The following OPCML variants were observed in gnomAD, a reference collection of about 807,000 sequenced individuals.
OPCML encodes the protein opioid-binding protein/cell adhesion molecule.
In OPCML, 13 loss-of-function variants were observed where a neutral mutation model predicts 37.8. That is an observed-to-expected ratio of 0.34 (90% CI 0.22 to 0.55). The LOEUF (loss-of-function observed/expected upper bound fraction) is 0.55. OPCML is among the 20% of genes least tolerant of loss of function. The probability of loss-of-function intolerance (pLI) is 0.91; values close to 1 mark genes in which losing one functional copy is unlikely to be tolerated. For missense variants in OPCML, 341 were observed against 435.6 expected, an observed-to-expected ratio of 0.78 and a Z score of 1.93; for synonymous variants, 176 against 168.8, an observed-to-expected ratio of 1.04 and a Z score of -0.33.
chr11:132,801,623 A>T (rs1435759680), intron 2 of OPCML, among the ~76,000 whole-genome samples: 5 of 152,216 alleles, frequency 3.3e-5, no homozygotes, highest in Non-Finnish European at 7.3e-5. Flanking sequence ...AATCTCTGAA[A>T]CTATTATTTT....
At chr11:132,919,491 A>G (rs1313605784) in intron 2 of OPCML, among the ~76,000 whole-genome samples, 4 of 152,206 alleles carry the variant, frequency 2.6e-5, no homozygotes, top group African/African-American at 9.6e-5. Flanking sequence ...ATCTGTTCTC[A>G]GGAGTTAGGG....
chr11:133,202,629 A>G (rs1232891561), intron 1 of OPCML, among the ~76,000 whole-genome samples: 1 of 152,214 alleles, frequency 6.6e-6, no homozygotes, highest in African/African-American at 2.4e-5. Context: ...CGATGATTTC[A>G]AGGTAATGTT....
chr11:133,334,912 T>G (rs1428273926), intron 1 of OPCML, among the ~76,000 whole-genome samples: 2 of 152,208 alleles, frequency 1.3e-5, no homozygotes, highest in South Asian at 4.1e-4. Flanking sequence ...ATTGATGATG[T>G]GCTGTCTCTG....
chr11:133,458,243 TAC>T (rs1366494865), intron 1 of OPCML, among the ~76,000 whole-genome samples: 19 of 101,244 alleles, frequency 1.9e-4, no homozygotes, highest in South Asian at 1.5e-3. Context: ...TGTGTATATA[TAC>T]ACATATATAT....
chr11:132,763,492 A>G (rs766738047), intron 2 of OPCML, among the ~76,000 whole-genome samples: 11 of 152,178 alleles, frequency 7.2e-5, no homozygotes, highest in Non-Finnish European at 1.6e-4. Context: ...TCTTTCCACT[A>G]TGCGTTGTGG....
At chr11:132,773,373 T>A (rs1000923108) in intron 2 of OPCML, 2 of 152,094 alleles carry the variant, frequency 1.3e-5, no homozygotes, top group African/African-American at 4.8e-5. Flanking sequence ...CCCCCTTTCA[T>A]TTTATTTCAA....
intron 4 of OPCML, among the ~76,000 whole-genome samples, chr11:132,497,818 C>T (rs909969497): frequency 4.6e-5 from 7 of 152,224 alleles, no homozygotes; most frequent in Admixed American, 1.3e-4. Flanking sequence ...CTTGAAGCAA[C>T]TACCAAAGGT....
chr11:132,723,295 C>T (rs1944746531), intron 2 of OPCML, among the ~76,000 whole-genome samples: 2 of 152,194 alleles, frequency 1.3e-5, no homozygotes, highest in Non-Finnish European at 1.5e-5. Context: ...ATGGTGTGTT[C>T]TTGCATAACT....
chr11:132,428,743 A>G (rs2095986276), intron 7 of OPCML, among the ~76,000 whole-genome samples: 1 of 152,222 alleles, frequency 6.6e-6, no homozygotes, highest in Admixed American at 6.5e-5. Context: ...GGAATTCAGT[A>G]ACATCATTTG....
intron 3 of OPCML, among the ~76,000 whole-genome samples, chr11:132,536,069 C>T (rs984991182): frequency 6.6e-6 from 1 of 152,118 alleles, no homozygotes. Context: ...CATTGCTACA[C>T]CCCCGCAAGG....
chr11:132,871,936 G>A (rs1023543689), intron 2 of OPCML, among the ~76,000 whole-genome samples: 1 of 152,164 alleles, frequency 6.6e-6, no homozygotes, highest in Admixed American at 6.5e-5. Flanking sequence ...CTCTCTGGCT[G>A]ACTTTTCCTG....
intron 1 of OPCML, among the ~76,000 whole-genome samples, chr11:133,500,431 G>T (rs73025662): frequency 0.23 from 34,823 of 152,096 alleles, 4,383 homozygotes; most frequent in African/African-American, 0.31. Flanking sequence ...AAAACAGAGG[G>T]TGTTTTGCAT....
chr11:133,449,822 A>G (rs968434702), intron 1 of OPCML, among the ~76,000 whole-genome samples: 4 of 151,706 alleles, frequency 2.6e-5, no homozygotes, highest in Non-Finnish European at 5.9e-5. Flanking sequence ...CTGAGGCTCC[A>G]GGTAAACATG....
At chr11:132,706,888 C>T (rs908369344) in intron 2 of OPCML, among the ~76,000 whole-genome samples, 2 of 152,188 alleles carry the variant, frequency 1.3e-5, no homozygotes, top group East Asian at 3.8e-4. Flanking sequence ...TTTATTCCTT[C>T]TTTGTTCTTC....
chr11:132,685,899 A>C (rs1029023843), intron 2 of OPCML, among the ~76,000 whole-genome samples: 20 of 152,186 alleles, frequency 1.3e-4, no homozygotes, highest in African/African-American at 4.8e-4. Context: ...TGGCATCTGC[A>C]GTGTGTAACT....
At chr11:133,526,443 G>A (rs1459554230) in intron 1 of OPCML, among the ~76,000 whole-genome samples, 1 of 152,208 alleles carries the variant, frequency 6.6e-6, no homozygotes, top group Non-Finnish European at 1.5e-5. Flanking sequence ...TGTGCAGGAA[G>A]GGGCATGCAT....
chr11:132,547,867 AAAGT>A (rs1239452812), intron 3 of OPCML, among the ~76,000 whole-genome samples: 3 of 152,116 alleles, frequency 2.0e-5, no homozygotes, highest in African/African-American at 7.2e-5. Flanking sequence ...GCATTGGTGG[AAAGT>A]GAAGGAGAGA....
At chr11:132,893,205 T>A (rs974682935) in intron 2 of OPCML, among the ~76,000 whole-genome samples, 1 of 152,092 alleles carries the variant, frequency 6.6e-6, no homozygotes. Context: ...ATGGTTGCAG[T>A]GAGCCAAGAT....
chr11:133,176,580 A>C (rs893716754), intron 1 of OPCML, among the ~76,000 whole-genome samples: 24 of 151,896 alleles, frequency 1.6e-4, no homozygotes, highest in Non-Finnish European at 3.4e-4. Flanking sequence ...TGTCCTAGAG[A>C]TAGAAGCTCT....
Sources: gnomAD v4.1 joint callset for allele counts (sites outside exome capture counted in the v4.1 genomes callset) on GRCh38, gnomAD v4.1.1 for gene constraint, MANE v1.5 for transcripts, NCBI Gene and HGNC (gene_info 2026-07-23, HGNC 2026-07-21) for gene names.